COA1: variants seen among roughly 807,000 people sequenced by gnomAD.
The protein encoded by COA1 is cytochrome c oxidase assembly factor 1 homolog.
A neutral mutation model predicts 16.0 loss-of-function variants in COA1; 13 were observed. The ratio of observed to expected loss-of-function variants is 0.81; its 90% CI spans 0.53 to 1.29. The LOEUF (loss-of-function observed/expected upper bound fraction) is 1.29. COA1 is among the 50% of genes most tolerant of loss of function. The pLI is 0.00. For synonymous variants in COA1, 65 were observed against 65.7 expected (o/e 0.99, Z 0.05); for missense variants, 179 against 177.0 (o/e 1.01, Z -0.06).
chr7:43,689,989 A>T (rs1174225234), intron 1 of COA1, among the ~76,000 whole-genome samples: 1 of 152,208 alleles, frequency 6.6e-6, no homozygotes, highest in East Asian at 1.9e-4. Context: ...ACAAAGACAG[A>T]TGGGACACAT....
chr7:43,644,791 C>CAGACAGAGAGAG (rs1563229816), intron 4 of COA1, among the ~76,000 whole-genome samples: 3 of 23,704 alleles, frequency 1.3e-4, no homozygotes, highest in African/African-American at 4.5e-4. Flanking sequence ...GGCAGGCAGG[C>CAGACAGAGAGAG]AGAGAGACAG....
At chr7:43,624,981 T>C (rs1583840188) in intron 6 of COA1, 3 of 830,310 alleles carry the variant, frequency 3.6e-6, no homozygotes, top group East Asian at 5.8e-5. Flanking sequence ...TTGTCAAATT[T>C]GTGGAGTTAG....
chr7:43,704,395 T>C (rs950073527), intron 1 of COA1, among the ~76,000 whole-genome samples: 2 of 152,208 alleles, frequency 1.3e-5, no homozygotes, highest in African/African-American at 2.4e-5. Context: ...TCACGGAAGA[T>C]ATCCTCAATT....
At chr7:43,625,813 TTTC>T (rs1265361951) in intron 6 of COA1, 4 of 151,872 alleles carry the variant, frequency 2.6e-5, no homozygotes, top group African/African-American at 4.8e-5. Flanking sequence ...TTCTGCTGAG[TTTC>T]TTATCAGCCC....
At chr7:43,686,383 T>C (rs1451518061) in intron 1 of COA1, among the ~76,000 whole-genome samples, 1 of 148,672 alleles carries the variant, frequency 6.7e-6, no homozygotes, top group Non-Finnish European at 1.5e-5. Context: ...CTCCGCTCAC[T>C]GCAAGCTCCG....
chr7:43,661,440 T>C (rs982800213), intron 1 of COA1, among the ~76,000 whole-genome samples: 1 of 152,054 alleles, frequency 6.6e-6, no homozygotes, highest in Non-Finnish European at 1.5e-5. Context: ...TCTAAACCAT[T>C]CTGGCTAACA....
At chr7:43,699,936 C>G (rs1030603265) in intron 1 of COA1, among the ~76,000 whole-genome samples, 1 of 151,880 alleles carries the variant, frequency 6.6e-6, no homozygotes, top group African/African-American at 2.4e-5. Context: ...CATCTAGTAG[C>G]TATTAAGTAT....
intron 1 of COA1, among the ~76,000 whole-genome samples, chr7:43,691,713 A>C (rs572264855): frequency 2.1e-4 from 32 of 152,314 alleles, no homozygotes; most frequent in African/African-American, 6.7e-4. Flanking sequence ...CACAGAAAAA[A>C]GTCTCTCTGT....
chr7:43,624,911 C>A, intron 6 of COA1: 1 of 1,318,200 alleles, frequency 7.6e-7, no homozygotes, highest in Non-Finnish European at 1.0e-6. Context: ...GGACCTCTGG[C>A]CAAATGGTAC....
chr7:43,638,423 G>A (rs780641992), downstream of COA1, among the ~76,000 whole-genome samples: 4 of 152,012 alleles, frequency 2.6e-5, no homozygotes, highest in Non-Finnish European at 5.9e-5. Context: ...AAGTTCTTTT[G>A]CTTTATAATA....
intron 6 of COA1, chr7:43,624,645 C>G: frequency 6.2e-7 from 1 of 1,614,038 alleles, no homozygotes; most frequent in Non-Finnish European, 8.5e-7. Context: ...TCATTCTGTG[C>G]CTGAAATTAA....
At chr7:43,705,270 G>A (rs565917885) in intron 1 of COA1, among the ~76,000 whole-genome samples, 28 of 152,336 alleles carry the variant, frequency 1.8e-4, no homozygotes, top group African/African-American at 5.8e-4. Context: ...AGGCTCCCAC[G>A]CACATGCATG....
chr7:43,696,524 T>C (rs1281302771), intron 1 of COA1, among the ~76,000 whole-genome samples: 2 of 152,164 alleles, frequency 1.3e-5, no homozygotes, highest in Non-Finnish European at 2.9e-5. Context: ...AATGGAATAC[T>C]ACACAGCACC....
At chr7:43,698,835 G>A (rs1017287412) in intron 1 of COA1, among the ~76,000 whole-genome samples, 1 of 152,068 alleles carries the variant, frequency 6.6e-6, no homozygotes, top group African/African-American at 2.4e-5. Flanking sequence ...ATTAGATACG[G>A]CTTGAAGGTT....
intron 1 of COA1, among the ~76,000 whole-genome samples, chr7:43,698,873 A>T (rs1443856189): frequency 6.6e-6 from 1 of 152,134 alleles, no homozygotes; most frequent in Non-Finnish European, 1.5e-5. Context: ...TTTTTCCACC[A>T]CACAAATTAT....
intron 1 of COA1, among the ~76,000 whole-genome samples, chr7:43,684,516 A>T (rs896741512): frequency 1.2e-4 from 19 of 152,198 alleles, no homozygotes; most frequent in African/African-American, 3.9e-4. Context: ...ACTTAGCCTC[A>T]GTCATCGTGC....
intron 1 of COA1, among the ~76,000 whole-genome samples, chr7:43,674,620 C>T (rs549950691): frequency 6.6e-6 from 1 of 152,312 alleles, no homozygotes; most frequent in East Asian, 1.9e-4. Context: ...AACATAGCAA[C>T]TTGCTTTGTC....
chr7:43,695,341 C>G (rs2094494829), intron 1 of COA1, among the ~76,000 whole-genome samples: 1 of 152,108 alleles, frequency 6.6e-6, no homozygotes, highest in Non-Finnish European at 1.5e-5. Flanking sequence ...TCCCTCTAAT[C>G]CAGTCACACT....
chr7:43,648,078 A>G (rs17531092), intron 2 of COA1: 25,267 of 191,728 alleles, frequency 0.13, 2,155 homozygotes, highest in Non-Finnish European at 0.18. Context: ...GGCTCCTTTC[A>G]TATTTTGAAA....
Sources: allele counts gnomAD v4.1 joint callset (sites outside exome capture counted in the v4.1 genomes callset), GRCh38; gene constraint gnomAD v4.1.1; transcripts MANE v1.5; gene names NCBI Gene and HGNC (gene_info 2026-07-23, HGNC 2026-07-21).